Variants in ABR observed in about 807,000 individuals in gnomAD.
The protein encoded by ABR is ABR activator of RhoGEF and GTPase, also known as active breakpoint cluster region-related protein.
ABR carries 35 observed loss-of-function variants against 107.2 expected under a neutral mutation model. The ratio of observed to expected loss-of-function variants is 0.33; its 90% CI spans 0.25 to 0.43. The LOEUF (loss-of-function observed/expected upper bound fraction) is 0.43. ABR is among the 20% of genes least tolerant of loss of function. The pLI is 1.00. For missense variants in ABR, 815 were observed against 1,115.2 expected, an observed-to-expected ratio of 0.73 and a Z score of 3.83; for synonymous variants, 498 against 462.0, an observed-to-expected ratio of 1.08 and a Z score of -1.00.
At chr17:1,125,093 C>T (rs1328192811) in intron 2 of ABR, 90 bp downstream of exon 2, 14 of 1,376,986 alleles carry the variant, frequency 1.0e-5, no homozygotes, top group South Asian at 8.5e-5. Context: ...CCCAATCTCT[C>T]GAGACCAACC....
chr17:1,204,859 C>T (rs185931383), intron 1 of ABR, among the ~76,000 whole-genome samples: 3 of 149,608 alleles, frequency 2.0e-5, no homozygotes, highest in African/African-American at 7.3e-5. Context: ...AAATCATCTA[C>T]ACATTTCTCA....
At chr17:1,218,946 C>T (rs996006102) in intron 1 of ABR, among the ~76,000 whole-genome samples, 2 of 152,160 alleles carry the variant, frequency 1.3e-5, no homozygotes, top group Non-Finnish European at 2.9e-5. Flanking sequence ...GCCTTCCACC[C>T]TCACAAATGA....
chr17:1,015,232 C>T (rs1208112486), intron 16 of ABR, among the ~76,000 whole-genome samples: 1 of 151,774 alleles, frequency 6.6e-6, no homozygotes, highest in Non-Finnish European at 1.5e-5. Flanking sequence ...GCCTGGCCAA[C>T]ATGACAAAAC....
intron 4 of ABR, among the ~76,000 whole-genome samples, chr17:1,090,903 T>C (rs1251790093): frequency 6.6e-6 from 1 of 152,184 alleles, no homozygotes. Context: ...GGGAGCTCCA[T>C]GAGTCTGACC....
In ABR at chr17:1,218,018, C is replaced by CG. The variant is rs956104365; in HGVS notation, c.838+10774dup. Reference sequence around the variant, plus strand: ...CTAATTTTTGTATTTTTAGTGGAGACGGGGTTTCACCATGTTGGCCAGGCT... The same window carrying CG: ...CTAATTTTTGTATTTTTAGTGGAGACGGGGGTTTCACCATGTTGGCCAGGCT... On this transcript the variant is annotated intron_variant, in intron 1 of 22. Transcript: ENST00000574139. 4.7e-4 allele frequency among the ~76,000 whole-genome samples: 72 copies of CG among 152,218 alleles called. 1 individual carries two copies. The Middle Eastern group carries it at 0.017, about 36-fold the overall frequency.
chr17:1,073,742 G>A (rs145009070), intron 6 of ABR, 65 bp from the exon 7 acceptor site: 1 of 1,428,640 alleles, frequency 7.0e-7, no homozygotes, highest in Non-Finnish European at 9.5e-7. Flanking sequence ...ACACCCCAGA[G>A]ACCAGCTTCG....
intron 2 of ABR, among the ~76,000 whole-genome samples, chr17:1,104,543 G>A (rs1177461942): frequency 6.6e-6 from 1 of 152,190 alleles, no homozygotes; most frequent in East Asian, 1.9e-4. Context: ...TGGCTGCCAG[G>A]AGTACCCAGC....
chr17:1,166,656 C>G (rs1406681479), intron 1 of ABR, among the ~76,000 whole-genome samples: 1 of 152,184 alleles, frequency 6.6e-6, no homozygotes, highest in African/African-American at 2.4e-5. Context: ...GGCGCCTGGT[C>G]CTTCCCATCC....
chr17:1,164,448 C>T (rs987190531), intron 1 of ABR, among the ~76,000 whole-genome samples: 2 of 142,300 alleles, frequency 1.4e-5, no homozygotes, highest in African/African-American at 5.4e-5. Context: ...GATGTCGGAG[C>T]ATCTAGGTGG....
intron 14 of ABR, among the ~76,000 whole-genome samples, chr17:1,053,508 A>C (rs1488913943): frequency 6.6e-6 from 1 of 152,090 alleles, no homozygotes; most frequent in Non-Finnish European, 1.5e-5. Flanking sequence ...AGCTCTGCAC[A>C]GATCACCTCC....
At chr17:1,062,923 C>T (rs28605721) in intron 10 of ABR, among the ~76,000 whole-genome samples, 1 of 108,008 alleles carries the variant, frequency 9.3e-6, no homozygotes, top group Non-Finnish European at 1.8e-5. Context: ...GCTGTTGTTA[C>T]GTGAACTGAG....
intron 2 of ABR, among the ~76,000 whole-genome samples, chr17:1,124,417 G>A (rs913259391): frequency 7.9e-5 from 12 of 152,054 alleles, no homozygotes; most frequent in Non-Finnish European, 8.8e-5. Context: ...ACAGAGGACC[G>A]GCTTGGATTC....
chr17:1,215,493 G>C (rs1249188795), intron 1 of ABR, among the ~76,000 whole-genome samples: 1 of 152,158 alleles, frequency 6.6e-6, no homozygotes. Flanking sequence ...TGCCAGCCTC[G>C]GCCTCCCGAG....
In ABR at chr17:1,012,815, C is replaced by G. The variant is rs200786347; in HGVS notation, c.1852-18G>C. On this transcript the variant is annotated intron_variant, in intron 17 of 22. Coordinates refer to ENST00000302538, the MANE Select transcript of ABR (RefSeq NM_021962.5). ...ACTTTGATCTGGTTGGGGGGTGAGG[C>G]AGGTAAAGATTCCCCAGGGTGTGAG... 4 of 1,554,016 alleles carry G rather than the reference C, an allele frequency of 2.6e-6. No individual in the cohort carries two copies. In the Admixed American group the frequency reaches 5.7e-5, roughly 22 times the overall value.
chr17:1,004,949 G>A lies in ABR; in HGVS notation c.*1131C>T, dbSNP rs1024546846. On this transcript the variant is annotated 3_prime_UTR_variant, in exon 23 of 23. Coordinates refer to ENST00000302538, the MANE Select transcript of ABR (RefSeq NM_021962.5). ...TACCACGAGGTCCTGCGGTGCCAGG[G>A]AGCTCCTGGCTGCAGCCTACCTGCC... 1.3e-5 allele frequency: 5 copies of A among 398,708 alleles called. No individual in the cohort carries two copies. Among genetic ancestry groups the A allele is most frequent in the African/African-American group, 1.0e-4 (5 of 48,636 alleles). 24.7% of individuals were successfully genotyped at this position (398,708 alleles called of 1,614,324 possible).
intron 1 of ABR, among the ~76,000 whole-genome samples, chr17:1,152,259 G>GAGAACAAGAGTGAAACTCT (rs2040827061): frequency 1.4e-5 from 2 of 147,840 alleles, no homozygotes; most frequent in African/African-American, 2.5e-5. Context: ...CTCCAGCCTG[G>GAGAACAAGAGTGAAACTCT]GCTACAGAGC....
Position 1,050,431 on chromosome 17 carries a change from G to T in ABR, c.1659+106C>A, listed in dbSNP as rs111534873. On this transcript the variant is annotated intron_variant, in intron 15 of 22. Transcript: ENST00000302538. The surrounding 1 kb of genome is among the most constrained non-coding windows in gnomAD (Gnocchi z 4.6). ...CAGAGGAGCAGGGAGCAGAAAGGGG[G>T]GTGCAGACATAGCTGGTCCAACCAA... The T allele has an allele frequency of 1.5e-5, 17 of 1,112,850 alleles. No homozygotes were observed. The highest frequency in any genetic ancestry group is 2.2e-5 in the Non-Finnish European group (16 of 734,506). The allele number at this position is 1,112,850 out of a possible 1,614,324, so 68.9% of individuals were successfully genotyped here.
intron 5 of ABR, among the ~76,000 whole-genome samples, chr17:1,081,678 G>A (rs1241696492): frequency 6.6e-6 from 1 of 152,206 alleles, no homozygotes; most frequent in Admixed American, 6.5e-5. Flanking sequence ...CCGGGTTCAA[G>A]AGATTCTCCT....
At chr17:1,137,517 A>G (rs2040123149) in intron 1 of ABR, among the ~76,000 whole-genome samples, 1 of 152,192 alleles carries the variant, frequency 6.6e-6, no homozygotes, top group African/African-American at 2.4e-5. Flanking sequence ...CAGAACACAC[A>G]ACGTTCATAG....
Sources: gnomAD v4.1 joint callset for allele counts (sites outside exome capture counted in the v4.1 genomes callset) on GRCh38, gnomAD v4.1.1 for gene constraint, Gnocchi (gnomAD v3.1) non-coding constraint, MANE v1.5 for transcripts, NCBI Gene and HGNC (gene_info 2026-07-23, HGNC 2026-07-21) for gene names.